NRXN1: variants seen among roughly 807,000 people sequenced by gnomAD.
NRXN1 encodes the protein neurexin-1.
A neutral mutation model predicts 150.9 loss-of-function variants in NRXN1; 39 were observed. The observed-to-expected ratio is 0.26, with a 90% confidence interval of 0.20 to 0.34. The LOEUF is 0.34. Among genes scored for constraint, NRXN1 ranks in the 10% least tolerant of loss-of-function variants. The pLI, the probability that NRXN1 is intolerant of heterozygous loss-of-function variation, is 1.00. For missense variants in NRXN1, 1,815 were observed against 1,949.9 expected, an observed-to-expected ratio of 0.93 and a Z score of 1.30; for synonymous variants, 924 against 757.0, an observed-to-expected ratio of 1.22 and a Z score of -3.62.
In NRXN1 at chr2:50,365,880, C is replaced by T. The variant is rs111913044; in HGVS notation, c.3364+99562G>A. ...ATCTGGTGGAACAATCTATTGAATA[C>T]ACTACAAATTCTTTGCAAAAATGAA... On this transcript the variant is annotated intron_variant, in intron 17 of 22. Coordinates refer to ENST00000401669, the MANE Select transcript of NRXN1 (RefSeq NM_001330078.2). Among the ~76,000 whole-genome samples, 408 of 152,064 alleles carry T rather than the reference C, an allele frequency of 2.7e-3. 6 individuals carry two copies. The highest frequency in any genetic ancestry group is 9.2e-3 in the African/African-American group (384 of 41,528).
At chr2:49,989,971 C>A (rs1022399471) in intron 21 of NRXN1, among the ~76,000 whole-genome samples, 1 of 151,950 alleles carries the variant, frequency 6.6e-6, no homozygotes. Flanking sequence ...AATGGGTGAA[C>A]AATATCATCT....
intron 5 of NRXN1, among the ~76,000 whole-genome samples, chr2:50,726,930 T>C (rs1315258308): frequency 6.6e-6 from 1 of 152,124 alleles, no homozygotes; most frequent in Non-Finnish European, 1.5e-5. Flanking sequence ...CTATATATAG[T>C]CATAAATATC....
intron 5 of NRXN1, among the ~76,000 whole-genome samples, chr2:50,775,961 C>T (rs1014700456): frequency 3.3e-5 from 5 of 151,962 alleles, no homozygotes; most frequent in Non-Finnish European, 5.9e-5. Context: ...GATAAGAAAG[C>T]GTCACAGTCT....
intron 9 of NRXN1, among the ~76,000 whole-genome samples, chr2:50,551,672 ACAAT>A (rs1667564158): frequency 6.6e-6 from 1 of 152,150 alleles, no homozygotes; most frequent in Non-Finnish European, 1.5e-5. Context: ...TATGAGTAGG[ACAAT>A]CAGAGCATGG....
chr2:50,115,240 TACAC>T (rs1215349485), intron 18 of NRXN1, among the ~76,000 whole-genome samples: 1 of 133,972 alleles, frequency 7.5e-6, no homozygotes, highest in Non-Finnish European at 1.6e-5. Context: ...TATATATATA[TACAC>T]ACACACACAT....
At chr2:50,575,692 C>T (rs560665589) in intron 8 of NRXN1, among the ~76,000 whole-genome samples, 2 of 152,162 alleles carry the variant, frequency 1.3e-5, no homozygotes, top group African/African-American at 2.4e-5. Context: ...GCTGGATACC[C>T]ATTTCATAAG....
chr2:50,745,305 C>G (rs551768206), intron 5 of NRXN1, among the ~76,000 whole-genome samples: 13 of 146,430 alleles, frequency 8.9e-5, no homozygotes, highest in Non-Finnish European at 1.2e-4. Context: ...ATCTGCCCCC[C>G]CCCAGGACTG....
chr2:50,647,305 G>T lies in NRXN1; in HGVS notation c.833-23690C>A, dbSNP rs1028775064. On this transcript the variant is annotated intron_variant, in intron 5 of 22. Transcript: ENST00000401669. Reference sequence around the variant, plus strand: ...TTAGGTACTCAGGAGACAGATATAAGGCATAAAATCTTTAACATTATTAAA... The same window carrying T: ...TTAGGTACTCAGGAGACAGATATAATGCATAAAATCTTTAACATTATTAAA... 5.3e-5 allele frequency among the ~76,000 whole-genome samples: 8 copies of T among 151,720 alleles called. No homozygotes were observed. The Admixed American group carries it at 5.3e-4, about 10-fold the overall frequency.
At chr2:50,653,005 T>C (rs1685872169) in intron 5 of NRXN1, among the ~76,000 whole-genome samples, 1 of 152,038 alleles carries the variant, frequency 6.6e-6, no homozygotes, top group South Asian at 2.1e-4. Flanking sequence ...CGTTTTAGTA[T>C]TCCTTGACTT....
intron 19 of NRXN1, among the ~76,000 whole-genome samples, chr2:50,064,320 A>C (rs1695017464): frequency 1.3e-5 from 2 of 152,090 alleles, no homozygotes; most frequent in South Asian, 4.1e-4. Context: ...AATAGGACAA[A>C]TCTTTTAAAT....
At chr2:50,648,434 T>A (rs1005615144) in intron 5 of NRXN1, among the ~76,000 whole-genome samples, 1 of 152,008 alleles carries the variant, frequency 6.6e-6, no homozygotes, top group South Asian at 2.1e-4. Context: ...CAAGCATCTT[T>A]CTCTACCAAA....
chr2:50,807,696 A>G (rs1667685771), intron 5 of NRXN1, among the ~76,000 whole-genome samples: 1 of 152,112 alleles, frequency 6.6e-6, no homozygotes, highest in African/African-American at 2.4e-5. Flanking sequence ...CTGACCTAAC[A>G]ATGATTCTGC....
chr2:50,421,463 G>T (rs2104258518), intron 17 of NRXN1, among the ~76,000 whole-genome samples: 1 of 152,134 alleles, frequency 6.6e-6, no homozygotes, highest in South Asian at 2.1e-4. Flanking sequence ...TGCTTGTCAG[G>T]ATATTCAAAA....
intron 5 of NRXN1, among the ~76,000 whole-genome samples, chr2:50,743,768 A>C (rs959883217): frequency 1.3e-5 from 2 of 152,188 alleles, no homozygotes; most frequent in African/African-American, 4.8e-5. Context: ...AGTGTTAAAT[A>C]GTATTCTACC....
chr2:50,853,459 A>C (rs758383975), intron 5 of NRXN1, among the ~76,000 whole-genome samples: 4 of 152,152 alleles, frequency 2.6e-5, no homozygotes, highest in Non-Finnish European at 4.4e-5. Flanking sequence ...TTTTACTTGC[A>C]AATTTACAAA....
intron 5 of NRXN1, among the ~76,000 whole-genome samples, chr2:50,763,734 G>C (rs1315404839): frequency 1.3e-5 from 2 of 151,892 alleles, no homozygotes; most frequent in African/African-American, 4.8e-5. Flanking sequence ...TATTTCACCT[G>C]ATAAAGTCAG....
At chr2:49,971,342 T>G (rs1194247157) in intron 21 of NRXN1, among the ~76,000 whole-genome samples, 2 of 152,168 alleles carry the variant, frequency 1.3e-5, no homozygotes, top group African/African-American at 4.8e-5. Flanking sequence ...CAGAACATCT[T>G]TAATATGCGA....
At chr2:51,009,379 T>C (rs796349894) in intron 2 of NRXN1, 1 of 151,910 alleles carries the variant, frequency 6.6e-6, no homozygotes, top group South Asian at 2.1e-4. Context: ...AGCATGCAAA[T>C]CAATTTATAT....
At chr2:50,806,060 A>T (rs1212050784) in intron 5 of NRXN1, among the ~76,000 whole-genome samples, 1 of 152,208 alleles carries the variant, frequency 6.6e-6, no homozygotes, top group Non-Finnish European at 1.5e-5. Context: ...TGTTTAAATG[A>T]AGGAATAATT....
Sources: allele counts gnomAD v4.1 joint callset (sites outside exome capture counted in the v4.1 genomes callset), GRCh38; gene constraint gnomAD v4.1.1; transcripts MANE v1.5; gene names NCBI Gene and HGNC (gene_info 2026-07-23, HGNC 2026-07-21).